Variants in PSMA1 observed in about 807,000 individuals in gnomAD.
PSMA1 encodes proteasome 20S subunit alpha 1.
In PSMA1, 3 loss-of-function variants were observed where a neutral mutation model predicts 38.4. The ratio of observed to expected loss-of-function variants is 0.08; its 90% CI spans 0.04 to 0.20. The LOEUF (loss-of-function observed/expected upper bound fraction) is 0.20, where lower values mean the gene tolerates loss of function less well. Among genes scored for constraint, PSMA1 ranks in the 10% least tolerant of loss-of-function variants. The pLI is 1.00. For synonymous variants in PSMA1, 101 were observed against 107.1 expected, an observed-to-expected ratio of 0.94 and a Z score of 0.35; for missense variants, 227 against 325.3, an observed-to-expected ratio of 0.70 and a Z score of 2.32.
Position 14,514,505 on chromosome 11 carries a change from A to C in PSMA1, c.255-14T>G. On this transcript the variant is annotated splice_polypyrimidine_tract_variant and intron_variant, in intron 4 of 9. Coordinates refer to ENST00000396394, the MANE Select transcript of PSMA1 (RefSeq NM_002786.4). ...CGCATAAAATTACTAAAAAAGAAAC[A>C]AAAAAAGTTTAGTAATTTCAAATTA... 2.0e-6 allele frequency: 3 copies of C among 1,526,304 alleles called. No homozygotes were observed. The highest frequency in any genetic ancestry group is 2.6e-6 in the Non-Finnish European group (3 of 1,138,424). 94.5% of individuals were successfully genotyped at this position (1,526,304 alleles called of 1,614,324 possible).
intron 2 of PSMA1, among the ~76,000 whole-genome samples, chr11:14,540,113 C>G (rs1247581369): frequency 1.2e-4 from 18 of 152,150 alleles, no homozygotes; most frequent in Admixed American, 1.1e-3. Flanking sequence ...AAATGTTTCC[C>G]TTGACCCTCT....
chr11:14,558,706 T>C (rs768089192), intron 2 of PSMA1, among the ~76,000 whole-genome samples: 1 of 152,202 alleles, frequency 6.6e-6, no homozygotes, highest in Non-Finnish European at 1.5e-5. Flanking sequence ...ATGTGGTTTT[T>C]GATTTAGAAG....
chr11:14,575,462 A>G (rs1014281192), intron 2 of PSMA1, among the ~76,000 whole-genome samples: 1 of 143,706 alleles, frequency 7.0e-6, no homozygotes, highest in Non-Finnish European at 1.5e-5. Context: ...CCCTGTGTCC[A>G]TGTGTTCTCA....
chr11:14,520,138 G>T, intron 1 of PSMA1, 159 bp downstream of exon 1: 1 of 1,191,284 alleles, frequency 8.4e-7, no homozygotes, highest in African/African-American at 1.5e-5. Flanking sequence ...AGCCCGGCCA[G>T]GCCGGAGATG....
At chr11:14,567,665 C>A (rs945151802) in intron 2 of PSMA1, among the ~76,000 whole-genome samples, 1 of 152,216 alleles carries the variant, frequency 6.6e-6, no homozygotes, top group African/African-American at 2.4e-5. Flanking sequence ...AGTTGTCTAA[C>A]ATGAATATTC....
Position 14,630,771 on chromosome 11 carries a change from T to C in PSMA1, c.-166+12684A>G, listed in dbSNP as rs1852993296. On this transcript the variant is annotated intron_variant, in intron 1 of 10. Transcript: ENST00000418988. ...GTTCCTCCTTGTACCTCTGGTATAA[T>C]TCGGCTGTGAATCCATCTGGTCCTG... Among the ~76,000 whole-genome samples the C allele has an allele frequency of 3.9e-5, 6 of 152,268 alleles. No homozygotes were observed. The South Asian group carries it at 1.2e-3, about 32-fold the overall frequency.
intron 2 of PSMA1, among the ~76,000 whole-genome samples, chr11:14,578,224 T>A (rs1852242737): frequency 6.6e-6 from 1 of 151,240 alleles, no homozygotes; most frequent in South Asian, 2.1e-4. Context: ...AAAGTATAAT[T>A]AAAAAAAAAT....
intron 2 of PSMA1, among the ~76,000 whole-genome samples, chr11:14,598,439 T>C (rs1484572693): frequency 6.6e-6 from 1 of 152,130 alleles, no homozygotes; most frequent in Non-Finnish European, 1.5e-5. Context: ...CCTGTATTGG[T>C]TGCATATATA....
chr11:14,586,196 C>A (rs1852343396), intron 2 of PSMA1, among the ~76,000 whole-genome samples: 1 of 152,086 alleles, frequency 6.6e-6, no homozygotes, highest in African/African-American at 2.4e-5. Flanking sequence ...CTTTGGGAGG[C>A]CGAGGCTGGA....
At chr11:14,632,612 T>A (rs1853038027) in intron 1 of PSMA1, among the ~76,000 whole-genome samples, 1 of 151,564 alleles carries the variant, frequency 6.6e-6, no homozygotes, top group Admixed American at 6.6e-5. Flanking sequence ...TTTTCCTTCA[T>A]TTCAGCTTTG....
intron 2 of PSMA1, among the ~76,000 whole-genome samples, chr11:14,572,923 G>C (rs982836500): frequency 1.3e-5 from 2 of 152,116 alleles, no homozygotes; most frequent in African/African-American, 4.8e-5. Flanking sequence ...AGAAGAAATG[G>C]ATAAAATCCT....
At chr11:14,631,571 G>C (rs1853011657) in intron 1 of PSMA1, among the ~76,000 whole-genome samples, 2 of 152,142 alleles carry the variant, frequency 1.3e-5, no homozygotes, top group Admixed American at 6.5e-5. Context: ...TTGCTGAGGA[G>C]AGCTTTACTT....
chr11:14,570,820 C>G (rs1415082722), intron 2 of PSMA1, among the ~76,000 whole-genome samples: 1 of 152,168 alleles, frequency 6.6e-6, no homozygotes, highest in Non-Finnish European at 1.5e-5. Flanking sequence ...CCTAGCAAGG[C>G]AGGCCAACAT....
At chr11:14,509,250 T>C (rs996054417) in intron 8 of PSMA1, among the ~76,000 whole-genome samples, 2 of 152,168 alleles carry the variant, frequency 1.3e-5, no homozygotes, top group Non-Finnish European at 2.9e-5. Flanking sequence ...CAGTAAATCA[T>C]AAATCTTTCA....
intron 2 of PSMA1, among the ~76,000 whole-genome samples, chr11:14,594,152 A>G (rs1297240905): frequency 2.6e-5 from 4 of 152,248 alleles, no homozygotes; most frequent in African/African-American, 4.8e-5. Flanking sequence ...GCCAACCTAC[A>G]TTCTCATCTG....
chr11:14,518,078 A>C, intron 2 of PSMA1, 97 bp from the exon 3 acceptor site: 86 of 890,428 alleles, frequency 9.7e-5, no homozygotes, highest in Non-Finnish European at 1.2e-4. Flanking sequence ...GTTAAATCTC[A>C]ACTGATTTTT....
At chr11:14,640,069 TA>T (rs1853179005) in intron 1 of PSMA1, among the ~76,000 whole-genome samples, 1 of 152,180 alleles carries the variant, frequency 6.6e-6, no homozygotes, top group Non-Finnish European at 1.5e-5. Flanking sequence ...ACATAATAAA[TA>T]CTGAATGAAT....
At chr11:14,513,515 A>C in intron 7 of PSMA1, 55 bp downstream of exon 7, 1 of 1,358,984 alleles carries the variant, frequency 7.4e-7, no homozygotes, top group Non-Finnish European at 9.5e-7. Context: ...TTTATTTACT[A>C]TATAGACTGG....
At chr11:14,586,583 A>G (rs1322636853) in intron 2 of PSMA1, among the ~76,000 whole-genome samples, 1 of 152,200 alleles carries the variant, frequency 6.6e-6, no homozygotes, top group African/African-American at 2.4e-5. Context: ...TTTAAAAAGA[A>G]TGAATAGTAT....
Sources: gnomAD v4.1 joint callset for allele counts (sites outside exome capture counted in the v4.1 genomes callset) on GRCh38, gnomAD v4.1.1 for gene constraint, MANE v1.5 for transcripts, NCBI Gene and HGNC (gene_info 2026-07-23, HGNC 2026-07-21) for gene names.